PUDP: variants seen among roughly 807,000 people sequenced by gnomAD.
PUDP encodes the protein pseudouridine-5'-phosphatase.
Under a neutral mutation model 9.4 loss-of-function variants are expected in PUDP, and 8 were observed. The observed-to-expected ratio is 0.85, with a 90% confidence interval of 0.50 to 1.53. PUDP has a LOEUF of 1.53. Ranked by LOEUF, PUDP falls within the 40% of genes most tolerant of loss-of-function variation. The pLI is 0.00. For synonymous variants in PUDP, 99 were observed against 80.7 expected (o/e 1.23, Z -1.22); for missense variants, 188 against 189.7 (o/e 0.99, Z 0.05).
At chrX:6,986,312 T>C (rs1213265430) in intron 1 of PUDP, among the ~76,000 whole-genome samples, 1 of 111,725 alleles carries the variant, frequency 9.0e-6, no homozygotes, top group Admixed American at 9.5e-5. Context: ...GAGCCCTCTT[T>C]TGGGGTCTGG....
intron 3 of PUDP, among the ~76,000 whole-genome samples, chrX:6,828,686 T>A (rs1476536658): frequency 9.0e-6 from 1 of 111,356 alleles, no homozygotes; most frequent in African/African-American, 3.3e-5. Context: ...GCCCTAAACA[T>A]CCTCTGTTCT....
intron 3 of PUDP, among the ~76,000 whole-genome samples, chrX:7,055,570 TGTC>T (rs1930217887): frequency 9.0e-6 from 1 of 110,733 alleles, no homozygotes; most frequent in Non-Finnish European, 1.9e-5. Context: ...AAGATTTTTA[TGTC>T]GTCTTTAGAC....
intron 3 of PUDP, among the ~76,000 whole-genome samples, chrX:6,740,190 C>T (rs1294168546): frequency 9.0e-6 from 1 of 111,573 alleles, no homozygotes; most frequent in Non-Finnish European, 1.9e-5. Flanking sequence ...ATTGGTTTTC[C>T]AAGTAATAAT....
chrX:6,927,660 T>C (rs951268844), intron 3 of PUDP, among the ~76,000 whole-genome samples: 2 of 111,326 alleles, frequency 1.8e-5, no homozygotes, highest in Admixed American at 9.5e-5. Flanking sequence ...TGAGGCAGAC[T>C]GATTAAGAGG....
intron 3 of PUDP, among the ~76,000 whole-genome samples, chrX:6,834,419 G>C (rs1926552050): frequency 9.0e-6 from 1 of 111,471 alleles, no homozygotes; most frequent in Non-Finnish European, 1.9e-5. Context: ...TTAGGTGACA[G>C]TTAAATTTTG....
intron 1 of PUDP, among the ~76,000 whole-genome samples, chrX:7,120,269 C>A (rs1227069381): frequency 2.7e-5 from 3 of 111,122 alleles, no homozygotes; most frequent in African/African-American, 6.5e-5. Context: ...GGGGAGGTGA[C>A]CCTGGATTAT....
chrX:7,144,859 T>A (rs1932832285), intron 1 of PUDP, among the ~76,000 whole-genome samples: 1 of 112,255 alleles, frequency 8.9e-6, no homozygotes, highest in Non-Finnish European at 1.9e-5. Flanking sequence ...AAAAGGATTT[T>A]AAATAATTCT....
intron 1 of PUDP, among the ~76,000 whole-genome samples, chrX:7,144,415 G>GTT (rs1379923320): frequency 8.9e-6 from 1 of 112,262 alleles, no homozygotes; most frequent in Non-Finnish European, 1.9e-5. Context: ...CCTACATGAA[G>GTT]TTAACAAAGA....
At chrX:7,041,899 CTG>C (rs1313319252) in intron 1 of PUDP, among the ~76,000 whole-genome samples, 3 of 106,388 alleles carry the variant, frequency 2.8e-5, no homozygotes, top group Non-Finnish European at 3.9e-5. Flanking sequence ...GGGTCTCACT[CTG>C]TTGCCCAGGT....
At chrX:6,949,421 A>C (rs1219335469) in intron 3 of PUDP, among the ~76,000 whole-genome samples, 1 of 110,895 alleles carries the variant, frequency 9.0e-6, no homozygotes, top group Non-Finnish European at 1.9e-5. Context: ...TTTCCAGTGA[A>C]GCACAGCCCT....
chrX:6,963,659 G>A (rs973546565), intron 3 of PUDP, among the ~76,000 whole-genome samples: 15 of 111,863 alleles, frequency 1.3e-4, no homozygotes, highest in Non-Finnish European at 2.8e-4. Flanking sequence ...AGATCCGCAG[G>A]GGTGTGTTTG....
chrX:6,891,430 C>T (rs911870210), intron 3 of PUDP, among the ~76,000 whole-genome samples: 3 of 112,203 alleles, frequency 2.7e-5, no homozygotes, highest in African/African-American at 9.7e-5. Context: ...TCTCGATTCA[C>T]AGGCTCTCTG....
chrX:7,137,306 G>T, intron 1 of PUDP, among the ~76,000 whole-genome samples: 1 of 107,468 alleles, frequency 9.3e-6, no homozygotes. Flanking sequence ...ACTTTGGGAG[G>T]CCGAGGCAGA....
At chrX:7,141,224 C>T (rs761417957) in intron 1 of PUDP, among the ~76,000 whole-genome samples, 3 of 112,712 alleles carry the variant, frequency 2.7e-5, no homozygotes, top group Non-Finnish European at 5.6e-5. Context: ...AGCTGATAGG[C>T]TGAAAGCTAG....
At chrX:7,126,114 T>C (rs1205521057) in intron 1 of PUDP, among the ~76,000 whole-genome samples, 2 of 112,093 alleles carry the variant, frequency 1.8e-5, no homozygotes, top group African/African-American at 6.5e-5. Context: ...ACATTAAGAA[T>C]ATAAACAGCA....
intron 3 of PUDP, among the ~76,000 whole-genome samples, chrX:6,946,687 A>G (rs1928468999): frequency 9.3e-6 from 1 of 107,999 alleles, no homozygotes; most frequent in African/African-American, 3.3e-5. Context: ...TGTATTATAC[A>G]GAAAGACGTG....
chrX:6,791,962 G>A (rs1925756708), intron 3 of PUDP, among the ~76,000 whole-genome samples: 1 of 111,732 alleles, frequency 8.9e-6, no homozygotes, highest in African/African-American at 3.3e-5. Flanking sequence ...TTGAGTGGGA[G>A]TGGGACTCAA....
At chrX:7,004,249 G>T (rs1450831771) in intron 1 of PUDP, among the ~76,000 whole-genome samples, 2 of 111,832 alleles carry the variant, frequency 1.8e-5, no homozygotes, top group East Asian at 5.6e-4. Flanking sequence ...ATTTGCTTTG[G>T]ATGTAGCAAA....
intron 3 of PUDP, among the ~76,000 whole-genome samples, chrX:6,788,389 A>G (rs1213611893): frequency 8.9e-6 from 1 of 111,836 alleles, no homozygotes; most frequent in African/African-American, 3.3e-5. Context: ...ACTGATGATG[A>G]CAGGATATAA....
Sources: gnomAD v4.1 joint callset for allele counts (sites outside exome capture counted in the v4.1 genomes callset) on GRCh38, gnomAD v4.1.1 for gene constraint, MANE v1.5 for transcripts, NCBI Gene and HGNC (gene_info 2026-07-23, HGNC 2026-07-21) for gene names.